Variants in KCNH8 observed in about 807,000 individuals in gnomAD.
KCNH8 encodes the protein voltage-gated delayed rectifier potassium channel KCNH8.
Under a neutral mutation model 103.6 loss-of-function variants are expected in KCNH8, and 70 were observed. The ratio of observed to expected loss-of-function variants is 0.68; its 90% CI spans 0.56 to 0.82. The LOEUF is 0.82. Among genes scored for constraint, KCNH8 ranks in the 40% least tolerant of loss-of-function variants. KCNH8 has a pLI of 0.00. For synonymous variants in KCNH8, 498 were observed against 489.4 expected (o/e 1.02, Z -0.23); for missense variants, 1,217 against 1,329.9 (o/e 0.92, Z 1.32).
chr3:19,331,639 G>A (rs1045184352), intron 3 of KCNH8, among the ~76,000 whole-genome samples: 2 of 152,058 alleles, frequency 1.3e-5, no homozygotes, highest in African/African-American at 2.4e-5. Flanking sequence ...GTATTTATGG[G>A]ATGCATAAGA....
chr3:19,440,605 A>G (rs1419996256), intron 8 of KCNH8, among the ~76,000 whole-genome samples: 1 of 151,822 alleles, frequency 6.6e-6, no homozygotes, highest in Non-Finnish European at 1.5e-5. Flanking sequence ...TGATTCAACT[A>G]CCTCCCACTG....
At position 19,499,980 on chromosome 3, in the gene KCNH8, A is replaced by G. The variant is rs531357976; in HGVS notation, c.2041-10383A>G. Among the ~76,000 whole-genome samples the G allele has an allele frequency of 4.7e-4, 71 of 152,338 alleles. 1 individual carries two copies. The highest frequency in any genetic ancestry group is 1.5e-3 in the African/African-American group (62 of 41,574). ...TAAATGGACTAAATGCTCCAATTAA[A>G]AGACACAGACTGGCAAATTGGATGA... On this transcript the variant is annotated intron_variant, in intron 11 of 15. Coordinates refer to ENST00000328405, the MANE Select transcript of KCNH8 (RefSeq NM_144633.3).
intron 7 of KCNH8, among the ~76,000 whole-genome samples, chr3:19,424,424 C>G (rs1235957697): frequency 1.3e-5 from 2 of 152,058 alleles, no homozygotes; most frequent in Admixed American, 6.6e-5. Context: ...AAGAAGGAAA[C>G]TGGATCCTCA....
At chr3:19,363,081 A>G (rs1490547056) in intron 5 of KCNH8, among the ~76,000 whole-genome samples, 4 of 152,146 alleles carry the variant, frequency 2.6e-5, no homozygotes, top group East Asian at 1.9e-4. Flanking sequence ...CAGGAACACA[A>G]GTGTCTGAGG....
At chr3:19,233,061 T>TCC (rs1208431887) in intron 1 of KCNH8, among the ~76,000 whole-genome samples, 679 of 62,358 alleles carry the variant, frequency 0.011, 3 homozygotes, top group African/African-American at 0.039. Context: ...TTGATATTCC[T>TCC]CCCCCCCCCC....
intron 1 of KCNH8, among the ~76,000 whole-genome samples, chr3:19,206,466 T>A (rs140147936): frequency 1.3e-5 from 2 of 151,950 alleles, no homozygotes; most frequent in East Asian, 1.9e-4. Context: ...AGGACTTTTA[T>A]GAAATTTCAG....
At chr3:19,378,429 A>G (rs183411424) in intron 5 of KCNH8, among the ~76,000 whole-genome samples, 27 of 152,332 alleles carry the variant, frequency 1.8e-4, no homozygotes, top group Non-Finnish European at 2.8e-4. Context: ...GTAGACAAGG[A>G]AAGCAAGGGA....
chr3:19,226,623 G>GCACA (rs146546353), intron 1 of KCNH8, among the ~76,000 whole-genome samples: 141 of 145,730 alleles, frequency 9.7e-4, no homozygotes, highest in African/African-American at 3.1e-3. Flanking sequence ...ACACATGCAT[G>GCACA]CACACACACA....
chr3:19,206,210 T>C (rs965514051), intron 1 of KCNH8, among the ~76,000 whole-genome samples: 6 of 147,914 alleles, frequency 4.1e-5, no homozygotes, highest in Admixed American at 3.4e-4. Flanking sequence ...TATGTATATA[T>C]ACATACCACA....
chr3:19,306,869 C>A (rs2065136723), intron 3 of KCNH8, among the ~76,000 whole-genome samples: 3 of 151,952 alleles, frequency 2.0e-5, no homozygotes, highest in South Asian at 4.1e-4. Context: ...TTTTCTAAGT[C>A]TTTTCTGGAT....
At chr3:19,162,718 T>A (rs914501452) in intron 1 of KCNH8, among the ~76,000 whole-genome samples, 1 of 152,112 alleles carries the variant, frequency 6.6e-6, no homozygotes, top group Non-Finnish European at 1.5e-5. Flanking sequence ...AATCTCTAAA[T>A]CTGGAACAAC....
intron 1 of KCNH8, among the ~76,000 whole-genome samples, chr3:19,231,751 T>G (rs1447371601): frequency 6.6e-6 from 1 of 152,206 alleles, no homozygotes; most frequent in Non-Finnish European, 1.5e-5. Flanking sequence ...AGCTCTAATT[T>G]GGGAAATCGA....
chr3:19,407,745 G>A (rs2066715216), intron 7 of KCNH8, among the ~76,000 whole-genome samples: 1 of 152,120 alleles, frequency 6.6e-6, no homozygotes. Flanking sequence ...CCTCCATGCA[G>A]AAATCTTGGT....
In KCNH8 at chr3:19,515,210, C is replaced by T. The variant is rs1377257129; in HGVS notation, c.2436-112C>T. On this transcript the variant is annotated intron_variant, in intron 13 of 15. Coordinates refer to ENST00000328405, the MANE Select transcript of KCNH8 (RefSeq NM_144633.3). The stretch of plus-strand genomic sequence containing the variant: ...ATGGTTACTATATTGAATAGCTCAG[C>T]TCTAGAGCATCTAGAATTTAGAAAT... 5.2e-6 allele frequency: 3 copies of T among 572,712 alleles called. No individual in the cohort carries two copies. In the African/African-American group the frequency reaches 5.8e-5, roughly 11 times the overall value. 35.5% of individuals were successfully genotyped at this position (572,712 alleles called of 1,614,324 possible). A position where few individuals can be genotyped will look rare whatever the true frequency, so the allele number is the denominator to read the frequency against.
chr3:19,398,090 T>G (rs2066551460), intron 7 of KCNH8, among the ~76,000 whole-genome samples: 2 of 151,976 alleles, frequency 1.3e-5, no homozygotes, highest in South Asian at 4.1e-4. Context: ...ATTAGATGTA[T>G]AAAAATAGAT....
intron 3 of KCNH8, among the ~76,000 whole-genome samples, chr3:19,282,220 T>A (rs2064766168): frequency 6.6e-6 from 1 of 152,148 alleles, no homozygotes; most frequent in Admixed American, 6.6e-5. Context: ...TATGATAGTT[T>A]GGTGCTCTCA....
At position 19,451,239 on chromosome 3, in the gene KCNH8, T is replaced by G; in HGVS notation, c.1660T>G (p.Cys554Gly). 6.2e-7 allele frequency: 1 copy of G among 1,613,966 alleles called. No individual in the cohort carries two copies. Among genetic ancestry groups the G allele is most frequent in the Non-Finnish European group, 8.5e-7 (1 of 1,179,872 alleles). ...GATCTTACAGTTGTCCCTTTTTGAATGTGCCAGCCGGGGCTGCCTCAGGTC... is the reference window on the plus strand; with the variant it reads ...GATCTTACAGTTGTCCCTTTTTGAAGGTGCCAGCCGGGGCTGCCTCAGGTC... ...KEILQLSLFE[C>G]ASRGCLRSLS... Residue 554 changes from cysteine (C) to glycine (G), a missense_variant, in exon 10 of 16, where the codon TGT (cysteine) becomes GGT (glycine). Coordinates refer to ENST00000328405, the MANE Select transcript of KCNH8 (RefSeq NM_144633.3).
chr3:19,301,341 T>G (rs1356212006), intron 3 of KCNH8, among the ~76,000 whole-genome samples: 3 of 148,498 alleles, frequency 2.0e-5, no homozygotes, highest in Non-Finnish European at 4.5e-5. Flanking sequence ...AAAATACAAA[T>G]ATATATAATA....
intron 5 of KCNH8, among the ~76,000 whole-genome samples, chr3:19,355,504 CTGG>C (rs2065868540): frequency 1.9e-4 from 29 of 152,076 alleles, no homozygotes. Flanking sequence ...CAATGATAGA[CTGG>C]ATTAAGAAAA....
Sources: allele counts gnomAD v4.1 joint callset (sites outside exome capture counted in the v4.1 genomes callset), GRCh38; gene constraint gnomAD v4.1.1; transcripts MANE v1.5; gene names NCBI Gene and HGNC (gene_info 2026-07-23, HGNC 2026-07-21).